CDK14: variants seen among roughly 807,000 people sequenced by gnomAD.
The protein encoded by CDK14 is cyclin dependent kinase 14, also known as cyclin-dependent kinase 14.
In CDK14, 34 loss-of-function variants were observed where a neutral mutation model predicts 60.7. That is an observed-to-expected ratio of 0.56 (90% confidence interval 0.43 to 0.75). The LOEUF is 0.75. Ranked by LOEUF, CDK14 falls within the 30% of genes least tolerant of loss-of-function variation. CDK14 has a pLI of 0.00. For missense variants in CDK14, 482 were observed against 564.1 expected (o/e 0.85, Z 1.47); for synonymous variants, 197 against 203.7 (o/e 0.97, Z 0.28).
chr7:90,712,105 T>A (rs1024983743), intron 2 of CDK14, among the ~76,000 whole-genome samples: 1 of 151,912 alleles, frequency 6.6e-6, no homozygotes, highest in Non-Finnish European at 1.5e-5. Context: ...GAAGGAGATA[T>A]TGTATGCTTT....
At chr7:90,701,799 C>G (rs368855151) in intron 2 of CDK14, among the ~76,000 whole-genome samples, 4 of 152,248 alleles carry the variant, frequency 2.6e-5, no homozygotes, top group South Asian at 4.1e-4. Flanking sequence ...GTCAGGCATC[C>G]AGCAGAGCTA....
At chr7:91,188,630 ATC>A (rs1229799483) in intron 14 of CDK14, among the ~76,000 whole-genome samples, 1 of 152,188 alleles carries the variant, frequency 6.6e-6, no homozygotes, top group African/African-American at 2.4e-5. Context: ...GAATTTCAGA[ATC>A]TCTAAAGTTT....
chr7:91,142,760 T>C (rs1800506549), intron 14 of CDK14, among the ~76,000 whole-genome samples: 1 of 152,364 alleles, frequency 6.6e-6, no homozygotes, highest in East Asian at 1.9e-4. Context: ...TATGTGCATA[T>C]AGTTTCAGGG....
At chr7:91,133,514 A>G (rs79565221) in intron 14 of CDK14, among the ~76,000 whole-genome samples, 2,304 of 152,294 alleles carry the variant, frequency 0.015, 71 homozygotes, top group African/African-American at 0.053. Context: ...ACCAAAGCAG[A>G]TGAAATATGA....
intron 2 of CDK14, among the ~76,000 whole-genome samples, chr7:90,707,954 C>T (rs1001306709): frequency 1.3e-5 from 2 of 152,092 alleles, no homozygotes; most frequent in Admixed American, 6.5e-5. Context: ...CACATTAGCA[C>T]GTTTGCTGAA....
chr7:91,201,493 G>GA (rs1480461514), intron 14 of CDK14, among the ~76,000 whole-genome samples: 6 of 148,490 alleles, frequency 4.0e-5, no homozygotes, highest in African/African-American at 1.2e-4. Context: ...TTGTCTTGTA[G>GA]AAAAAAGAGT....
At chr7:90,852,167 G>C (rs939757347) in intron 5 of CDK14, among the ~76,000 whole-genome samples, 1 of 152,138 alleles carries the variant, frequency 6.6e-6, no homozygotes, top group Admixed American at 6.6e-5. Flanking sequence ...AAAATGCTGG[G>C]ATTACAGGGG....
At position 90,989,044 on chromosome 7, in the gene CDK14, C is replaced by T. The variant is rs1795460098; in HGVS notation, c.1041+4803C>T. Among the ~76,000 whole-genome samples, 2 of 150,318 alleles carry T rather than the reference C, an allele frequency of 1.3e-5. 1 individual carries two copies. Among genetic ancestry groups the T allele is most frequent in the South Asian group, 4.2e-4 (2 of 4,726 alleles). On this transcript the variant is annotated intron_variant, in intron 10 of 14. Transcript: ENST00000380050. ...TGTGTGTGTAATGAGCCACATGCAA[C>T]TTTGAAAGCTACTATAGTACTCAGT...
chr7:90,680,386 G>T (rs1052779533), intron 2 of CDK14, among the ~76,000 whole-genome samples: 1 of 152,076 alleles, frequency 6.6e-6, no homozygotes, highest in Non-Finnish European at 1.5e-5. Context: ...ATATTATTTG[G>T]TATAATTAAA....
rs184246986 is a variant in CDK14 at position 90,791,358 on chromosome 7, A to T, written c.544+706A>T. On this transcript the variant is annotated intron_variant, in intron 5 of 14. Coordinates refer to ENST00000380050, the MANE Select transcript of CDK14 (RefSeq NM_001287135.2). Reference sequence around the variant, plus strand: ...AGTTCAGTTTAATAAGTTTTAGGATAAGTAGGTTTACCTCTACTACATTTT... The same window carrying T: ...AGTTCAGTTTAATAAGTTTTAGGATTAGTAGGTTTACCTCTACTACATTTT... Among the ~76,000 whole-genome samples the T allele has an allele frequency of 7.2e-4, 109 of 152,288 alleles. 1 individual carries two copies. In the East Asian group the frequency reaches 0.018, roughly 25 times the overall value.
chr7:91,025,358 G>A (rs1358524548), intron 10 of CDK14, among the ~76,000 whole-genome samples: 1 of 152,104 alleles, frequency 6.6e-6, no homozygotes, highest in African/African-American at 2.4e-5. Flanking sequence ...GTCCAAAGAA[G>A]TGTACATATT....
Position 91,176,820 on chromosome 7 carries a change from G to C in CDK14, c.*29-30345G>C, listed in dbSNP as rs1312895261. On this transcript the variant is annotated intron_variant, in intron 14 of 14. Transcript: ENST00000380050. ...GCTGAAATTGTGGCAATAATCAATA[G>C]CTTACCAACCAAAAAGGGTCCAGGA... Among the ~76,000 whole-genome samples, 5 of 151,966 alleles carry C rather than the reference G, an allele frequency of 3.3e-5. 1 individual carries two copies. Among genetic ancestry groups the C allele is most frequent in the Admixed American group, 3.3e-4 (5 of 15,268 alleles).
At chr7:90,686,161 C>T (rs1420690973) in intron 2 of CDK14, among the ~76,000 whole-genome samples, 1 of 152,104 alleles carries the variant, frequency 6.6e-6, no homozygotes, top group Non-Finnish European at 1.5e-5. Flanking sequence ...ACATAGTTCT[C>T]AATTAACAAA....
chr7:90,784,910 AC>A (rs1805510115), intron 4 of CDK14, among the ~76,000 whole-genome samples: 1 of 152,232 alleles, frequency 6.6e-6, no homozygotes, highest in Admixed American at 6.5e-5. Context: ...TAAATGAAAC[AC>A]TATTAATATA....
At chr7:90,649,550 T>C (rs13238296) in intron 2 of CDK14, among the ~76,000 whole-genome samples, 42,472 of 149,868 alleles carry the variant, frequency 0.28, 6,381 homozygotes, top group Non-Finnish European at 0.34. Context: ...CATGTTGGTT[T>C]GCTGCATCCA....
At chr7:91,137,397 G>C (rs895727171) in intron 14 of CDK14, among the ~76,000 whole-genome samples, 2 of 152,032 alleles carry the variant, frequency 1.3e-5, no homozygotes, top group African/African-American at 4.8e-5. Context: ...TCTGTCCCTG[G>C]TGTCTGACAG....
intron 10 of CDK14, among the ~76,000 whole-genome samples, chr7:91,028,297 C>CA (rs1247053751): frequency 3.3e-5 from 5 of 151,914 alleles, no homozygotes; most frequent in African/African-American, 9.7e-5. Context: ...CACACACACA[C>CA]CCCCCACATT....
intron 5 of CDK14, among the ~76,000 whole-genome samples, chr7:90,841,248 C>T (rs533315047): frequency 1.3e-5 from 2 of 152,074 alleles, no homozygotes; most frequent in African/African-American, 4.8e-5. Context: ...ATTCATTTGT[C>T]CAAACCCATA....
At chr7:90,986,528 A>G (rs183262672) in intron 10 of CDK14, among the ~76,000 whole-genome samples, 1 of 152,152 alleles carries the variant, frequency 6.6e-6, no homozygotes, top group East Asian at 1.9e-4. Flanking sequence ...TATGGCTGTT[A>G]GCATAAATGT....
Sources: allele counts gnomAD v4.1 joint callset (sites outside exome capture counted in the v4.1 genomes callset), GRCh38; gene constraint gnomAD v4.1.1; transcripts MANE v1.5; gene names NCBI Gene and HGNC (gene_info 2026-07-23, HGNC 2026-07-21).